The following CFAP20DC variants were observed in gnomAD, a reference collection of about 807,000 sequenced individuals.
The protein encoded by CFAP20DC is protein CFAP20DC.
CFAP20DC carries 84 observed loss-of-function variants against 101.7 expected under a neutral mutation model. The observed-to-expected ratio is 0.83, with a 90% CI of 0.69 to 0.99. CFAP20DC has a LOEUF of 0.99. Ranked by LOEUF, CFAP20DC falls within the 50% of genes least tolerant of loss-of-function variation. CFAP20DC has a pLI of 0.00. For synonymous variants in CFAP20DC, 359 were observed against 351.2 expected (o/e 1.02, Z -0.25); for missense variants, 1,007 against 970.3 (o/e 1.04, Z -0.50).
intron 7 of CFAP20DC, 140 bp downstream of exon 7, chr3:58,884,405 G>T: frequency 1.5e-6 from 1 of 676,002 alleles, no homozygotes. Flanking sequence ...GTAGCCCCTG[G>T]CGTGGTATGT....
chr3:58,785,810 C>T (rs1054709976), intron 15 of CFAP20DC, among the ~76,000 whole-genome samples: 1 of 152,102 alleles, frequency 6.6e-6, no homozygotes, highest in Non-Finnish European at 1.5e-5. Flanking sequence ...AAAACTCTCT[C>T]TACTTTCCCT....
In CFAP20DC at chr3:58,728,435, C is replaced by T. The variant is rs1410729891; in HGVS notation, c.198-10807G>A. On this transcript the variant is annotated intron_variant, in intron 3 of 3. Coordinates refer to the CFAP20DC transcript ENST00000486145. This position sits in a 1 kb window ranked among gnomAD's most constrained non-coding sequence, Gnocchi z 4.7. Reference sequence around the variant, plus strand: ...AAAGAATTTTGATGTTTGTGTTATTCAGACCTTTACGTGATTTGTAAAAAC... The same window carrying T: ...AAAGAATTTTGATGTTTGTGTTATTTAGACCTTTACGTGATTTGTAAAAAC... Among the ~76,000 whole-genome samples, 1 of 152,138 alleles carries T rather than the reference C, an allele frequency of 6.6e-6. No individual in the cohort carries two copies. The highest frequency in any genetic ancestry group is 2.4e-5 in the African/African-American group (1 of 41,434).
chr3:58,955,251 A>G (rs1458332618), intron 4 of CFAP20DC, among the ~76,000 whole-genome samples: 1 of 152,100 alleles, frequency 6.6e-6, no homozygotes, highest in African/African-American at 2.4e-5. Flanking sequence ...TAAGAACCAA[A>G]AAATTAGGTG....
intron 15 of CFAP20DC, among the ~76,000 whole-genome samples, chr3:58,769,777 C>T (rs908930806): frequency 6.6e-6 from 1 of 152,166 alleles, no homozygotes; most frequent in African/African-American, 2.4e-5. Flanking sequence ...AGGCGGGAAA[C>T]ACGATGCATA....
intron 11 of CFAP20DC, 110 bp downstream of exon 11, chr3:58,866,456 T>C (rs2079699067): frequency 2.4e-6 from 2 of 847,294 alleles, no homozygotes; most frequent in Non-Finnish European, 3.6e-6. Flanking sequence ...AACTTACACA[T>C]TTTAGCAAAT....
intron 15 of CFAP20DC, among the ~76,000 whole-genome samples, chr3:58,770,627 A>C (rs2107491185): frequency 6.6e-6 from 1 of 152,352 alleles, no homozygotes; most frequent in African/African-American, 2.4e-5. Flanking sequence ...GAAAGGTGTG[A>C]GAGAGACCTT....
At chr3:58,974,228 A>T (rs2092134886) in intron 4 of CFAP20DC, among the ~76,000 whole-genome samples, 1 of 152,100 alleles carries the variant, frequency 6.6e-6, no homozygotes, top group Admixed American at 6.6e-5. Flanking sequence ...TACCTACCTA[A>T]CATGTAGTTT....
At chr3:58,933,504 T>C (rs921666990) in intron 5 of CFAP20DC, among the ~76,000 whole-genome samples, 4 of 152,244 alleles carry the variant, frequency 2.6e-5, no homozygotes, top group East Asian at 1.9e-4. Flanking sequence ...TATTCCAAAA[T>C]TGACCACATA....
chr3:58,878,035 G>A (rs1225576122), intron 7 of CFAP20DC, among the ~76,000 whole-genome samples: 1 of 152,206 alleles, frequency 6.6e-6, no homozygotes, highest in Non-Finnish European at 1.5e-5. Context: ...GGCACATGCA[G>A]AATGTAGGGG....
chr3:58,855,406 A>G (rs1172906335), intron 12 of CFAP20DC, among the ~76,000 whole-genome samples: 7 of 152,292 alleles, frequency 4.6e-5, no homozygotes, highest in African/African-American at 1.4e-4. Context: ...AAACTAGTTC[A>G]ACCACTGTGG....
At chr3:58,903,695 A>C (rs1297993056) in intron 6 of CFAP20DC, among the ~76,000 whole-genome samples, 1 of 152,194 alleles carries the variant, frequency 6.6e-6, no homozygotes, top group Non-Finnish European at 1.5e-5. Context: ...TATCACAAGA[A>C]GAGCATGAGG....
intron 3 of CFAP20DC, among the ~76,000 whole-genome samples, chr3:58,723,065 CA>C (rs377283214): frequency 1.1e-4 from 17 of 152,324 alleles, no homozygotes; most frequent in Middle Eastern, 3.4e-3. Flanking sequence ...AATATGTAAA[CA>C]AAACCTGATG....
At chr3:58,818,117 C>T (rs2075336527) in intron 14 of CFAP20DC, among the ~76,000 whole-genome samples, 1 of 150,214 alleles carries the variant, frequency 6.7e-6, no homozygotes, top group East Asian at 2.0e-4. Flanking sequence ...ACCAGGCCTG[C>T]CCTAAAAGAG....
rs550948063 is a variant in CFAP20DC, at chr3:59,001,651, T to C, written c.278+37906A>G. On this transcript the variant is annotated intron_variant, in intron 4 of 16. Coordinates refer to ENST00000482387, the MANE Select transcript of CFAP20DC (RefSeq NM_001394063.1). The surrounding 1 kb of genome is among the most constrained non-coding windows in gnomAD (Gnocchi z 4.5). The stretch of plus-strand genomic sequence containing the variant: ...GTCTCGAACTCCCGACCTCAGGTGA[T>C]CCACCTGCCTTGGCCTCCCAAAGTG... Among the ~76,000 whole-genome samples, 151 of 152,314 alleles carry C rather than the reference T, an allele frequency of 9.9e-4. No individual in the cohort carries two copies. Among genetic ancestry groups the C allele is most frequent in the African/African-American group, 3.4e-3 (143 of 41,584 alleles).
At chr3:58,719,215 C>A (rs1260189375) in intron 3 of CFAP20DC, among the ~76,000 whole-genome samples, 1 of 152,158 alleles carries the variant, frequency 6.6e-6, no homozygotes, top group Non-Finnish European at 1.5e-5. Flanking sequence ...TGTACTCCAG[C>A]CTGGATGACA....
At chr3:58,805,468 T>A (rs1388145150) in intron 15 of CFAP20DC, among the ~76,000 whole-genome samples, 1 of 152,172 alleles carries the variant, frequency 6.6e-6, no homozygotes, top group African/African-American at 2.4e-5. Context: ...TCTCCCTATC[T>A]CTTTCTGTCT....
At chr3:59,000,284 A>C (rs112354660) in intron 4 of CFAP20DC, among the ~76,000 whole-genome samples, 1 of 152,134 alleles carries the variant, frequency 6.6e-6, no homozygotes, top group African/African-American at 2.4e-5. Context: ...CTCCATCTGC[A>C]TGAGATTACT....
rs2084408172 is a variant in CFAP20DC, at chr3:58,913,895, G to A, written c.394-31C>T. The A allele has an allele frequency of 1.2e-6, 2 of 1,610,324 alleles. No individual in the cohort carries two copies. The highest frequency in any genetic ancestry group is 1.7e-5 in the Admixed American group (1 of 59,806). On this transcript the variant is annotated intron_variant, in intron 5 of 16. Coordinates refer to ENST00000482387, the MANE Select transcript of CFAP20DC (RefSeq NM_001394063.1). This position sits in a 1 kb window ranked among gnomAD's most constrained non-coding sequence, Gnocchi z 4.4. ...ATAGAGAGATGCAAAGAAGAGTAAG[G>A]ACCTTTCATCAACACATAAATGAAC...
intron 4 of CFAP20DC, among the ~76,000 whole-genome samples, chr3:59,032,894 T>C (rs184863760): frequency 6.6e-6 from 1 of 152,126 alleles, no homozygotes. Flanking sequence ...CTCCCATACC[T>C]CCTGACTAGG....
Sources: allele counts gnomAD v4.1 joint callset (sites outside exome capture counted in the v4.1 genomes callset), GRCh38; gene constraint gnomAD v4.1.1; non-coding constraint Gnocchi (gnomAD v3.1); transcripts MANE v1.5; gene names NCBI Gene and HGNC (gene_info 2026-07-23, HGNC 2026-07-21).